Variants in DDX46 observed in about 807,000 individuals in gnomAD.
The protein encoded by DDX46 is probable ATP-dependent RNA helicase DDX46.
DDX46 carries 30 observed loss-of-function variants against 134.9 expected under a neutral mutation model. The observed-to-expected ratio is 0.22, with a 90% confidence interval of 0.17 to 0.30. DDX46 has a LOEUF of 0.30. Ranked by LOEUF, DDX46 falls within the 10% of genes least tolerant of loss-of-function variation. The pLI, the probability that DDX46 is intolerant of heterozygous loss-of-function variation, is 1.00. For missense variants in DDX46, 622 were observed against 1,248.7 expected, an observed-to-expected ratio of 0.50 and a Z score of 7.56; for synonymous variants, 415 against 404.1, an observed-to-expected ratio of 1.03 and a Z score of -0.32.
intron 18 of DDX46, among the ~76,000 whole-genome samples, 194 bp downstream of exon 18, chr5:134,812,039 T>C (rs1183479837): frequency 6.6e-6 from 1 of 151,246 alleles, no homozygotes; most frequent in Non-Finnish European, 1.5e-5. Flanking sequence ...TCATTAGCAC[T>C]TCAAAGGATG....
rs1233117933 is a variant in DDX46, at chr5:134,830,780, GTTTA to G, written c.*2082_*2085del. The stretch of plus-strand genomic sequence containing the variant: ...ATTGTGGGCTCATTCCCTCCCTCTA[GTTTA>G]TTTATTTGCTCATCTTTATCACCTA... On this transcript the variant is annotated 3_prime_UTR_variant, in exon 23 of 23. Coordinates refer to ENST00000452510, the MANE Select transcript of DDX46 (RefSeq NM_001300860.2). 1.3e-5 allele frequency: 2 copies of G among 152,596 alleles called. No individual in the cohort carries two copies. Among genetic ancestry groups the G allele is most frequent in the East Asian group, 1.9e-4 (1 of 5,190 alleles). The allele number at this position is 152,596 out of a possible 1,614,324, so 9.5% of individuals were successfully genotyped here. A position where few individuals can be genotyped will look rare whatever the true frequency, so the allele number is the denominator to read the frequency against.
intron 15 of DDX46, 47 bp downstream of exon 15, chr5:134,796,197 C>T: frequency 6.3e-7 from 1 of 1,587,994 alleles, no homozygotes; most frequent in South Asian, 1.1e-5. Flanking sequence ...TAAGTACTTG[C>T]CAAGCATTGT....
At chr5:134,816,401 T>A (rs768247658) in intron 18 of DDX46, 29 bp from the exon 19 acceptor site, 1 of 1,556,740 alleles carries the variant, frequency 6.4e-7, no homozygotes, top group South Asian at 1.2e-5. Flanking sequence ...TTCAGTTTTT[T>A]ACTAGTCCTT....
chr5:134,826,765 AAAT>A, intron 21 of DDX46, 179 bp from the exon 22 acceptor site: 1 of 524,060 alleles, frequency 1.9e-6, no homozygotes, highest in Non-Finnish European at 3.3e-6. Flanking sequence ...AAAGTAATCA[AAAT>A]AATAAGCAGC....
intron 5 of DDX46, 70 bp downstream of exon 5, chr5:134,773,931 G>T: frequency 1.5e-6 from 2 of 1,376,058 alleles, no homozygotes; most frequent in Non-Finnish European, 1.9e-6. Flanking sequence ...ATTTCATAAG[G>T]GGTTTTTAAT....
In DDX46 at chr5:134,812,318, G is replaced by A. The variant is rs1291138448; in HGVS notation, c.2436+473G>A. On this transcript the variant is annotated intron_variant, in intron 18 of 22. Transcript: ENST00000452510. Reference sequence around the variant, plus strand: ...GACCTCAAGTGATCCGCTTTCCTTGGCCTCCCAAAGTGCTGGGATTACAGG... The same window carrying A: ...GACCTCAAGTGATCCGCTTTCCTTGACCTCCCAAAGTGCTGGGATTACAGG... Among the ~76,000 whole-genome samples the A allele has an allele frequency of 2.0e-5, 3 of 152,042 alleles. No homozygotes were observed. The South Asian group carries it at 6.2e-4, about 32-fold the overall frequency.
intron 3 of DDX46, among the ~76,000 whole-genome samples, chr5:134,769,327 G>GTTTTTTTTTTT (rs1026334806): frequency 1.0e-5 from 1 of 100,480 alleles, no homozygotes; most frequent in Non-Finnish European, 2.0e-5. Flanking sequence ...TATTTTCAAG[G>GTTTTTTTTTTT]TTTTTTTTTT....
In DDX46 at chr5:134,780,096, A is replaced by ATGTGTG. The variant is rs1455322489; in HGVS notation, c.766-1036_766-1035insGTGTGT. On this transcript the variant is annotated intron_variant, in intron 6 of 22. Coordinates refer to ENST00000452510, the MANE Select transcript of DDX46 (RefSeq NM_001300860.2). ...GAATAAGACTCAGTCTGAAAAAAAT[A>ATGTGTG]TATGTGTGTGTGTGTGTGTGTGTGT... Among the ~76,000 whole-genome samples, 598 of 123,470 alleles carry ATGTGTG rather than the reference A, an allele frequency of 4.8e-3. 6 individuals carry two copies. The highest frequency in any genetic ancestry group is 0.017 in the African/African-American group (537 of 30,886). 81.0% of individuals were successfully genotyped at this position (123,470 alleles called of 152,430 possible).
intron 3 of DDX46, among the ~76,000 whole-genome samples, chr5:134,768,559 ATCT>A (rs1230970822): frequency 2.0e-5 from 3 of 151,948 alleles, no homozygotes; most frequent in Non-Finnish European, 2.9e-5. Flanking sequence ...GCCAGAGAGT[ATCT>A]TCTTCTTCAC....
intron 15 of DDX46, among the ~76,000 whole-genome samples, chr5:134,803,722 G>A (rs1010177300): frequency 6.6e-6 from 1 of 152,062 alleles, no homozygotes; most frequent in Admixed American, 6.6e-5. Context: ...GTTCATGGTT[G>A]TTACCTGCCG....
intron 5 of DDX46, among the ~76,000 whole-genome samples, chr5:134,775,137 A>T (rs1383928809): frequency 2.0e-5 from 3 of 152,036 alleles, no homozygotes; most frequent in African/African-American, 7.2e-5. Context: ...TCATTTTTTG[A>T]AGAGCCAGGG....
At chr5:134,825,925 C>A (rs1755576929) in intron 21 of DDX46, 1 of 152,200 alleles carries the variant, frequency 6.6e-6, no homozygotes, top group Non-Finnish European at 1.5e-5. Flanking sequence ...TCAGTATATT[C>A]TTTTACTTCT....
At chr5:134,775,112 G>A (rs1007515280) in intron 5 of DDX46, among the ~76,000 whole-genome samples, 3 of 152,120 alleles carry the variant, frequency 2.0e-5, no homozygotes, top group South Asian at 2.1e-4. Flanking sequence ...GAGCCACCAT[G>A]CCCAGCTAAT....
chr5:134,773,440 T>G (rs953189511), intron 4 of DDX46, among the ~76,000 whole-genome samples: 1 of 152,198 alleles, frequency 6.6e-6, no homozygotes, highest in Non-Finnish European at 1.5e-5. Context: ...TGAGATTGAT[T>G]TATAGTGTTT....
At chr5:134,779,954 C>T (rs1243696235) in intron 6 of DDX46, among the ~76,000 whole-genome samples, 4 of 152,152 alleles carry the variant, frequency 2.6e-5, no homozygotes, top group Non-Finnish European at 5.9e-5. Context: ...CAAGAATTAG[C>T]TGGGTGTGAT....
intron 15 of DDX46, among the ~76,000 whole-genome samples, chr5:134,798,637 T>A (rs1265612130): frequency 6.6e-6 from 1 of 152,246 alleles, no homozygotes; most frequent in Non-Finnish European, 1.5e-5. Flanking sequence ...AACAAGTTTC[T>A]TTTCCCATCC....
At chr5:134,762,273 G>A (rs548688111) in intron 1 of DDX46, among the ~76,000 whole-genome samples, 3 of 150,812 alleles carry the variant, frequency 2.0e-5, no homozygotes, top group East Asian at 1.9e-4. Context: ...AAAAAAATTG[G>A]TGGGCGCGGT....
At chr5:134,812,059 CTTTTTT>C (rs767502728) in intron 18 of DDX46, among the ~76,000 whole-genome samples, 40 of 99,060 alleles carry the variant, frequency 4.0e-4, no homozygotes, top group Non-Finnish European at 6.4e-4. Context: ...GTGAAAAGTC[CTTTTTT>C]TTTTTTTTTT....
chr5:134,823,258 G>A (rs1755504022), intron 21 of DDX46, among the ~76,000 whole-genome samples: 2 of 148,610 alleles, frequency 1.3e-5, no homozygotes, highest in Admixed American at 6.9e-5. Context: ...CCTCCTGGCA[G>A]CCTCCCAAGT....
Sources: allele counts gnomAD v4.1 joint callset (sites outside exome capture counted in the v4.1 genomes callset), GRCh38; gene constraint gnomAD v4.1.1; transcripts MANE v1.5; gene names NCBI Gene and HGNC (gene_info 2026-07-23, HGNC 2026-07-21).